Variants in DEF8 observed in about 807,000 individuals in gnomAD.
DEF8 encodes the protein DEF-8.
In DEF8, 38 loss-of-function variants were observed where a neutral mutation model predicts 59.1. The observed-to-expected ratio is 0.64, with a 90% CI of 0.50 to 0.84. The LOEUF is 0.84. Among genes scored for constraint, DEF8 ranks in the 40% least tolerant of loss-of-function variants. The probability of loss-of-function intolerance (pLI) is 0.00; values close to 1 mark genes in which losing one functional copy is unlikely to be tolerated. For missense variants in DEF8, 557 were observed against 615.2 expected (o/e 0.91, Z 1.00); for synonymous variants, 265 against 250.1 (o/e 1.06, Z -0.56).
intron 9 of DEF8, 70 bp downstream of exon 9, chr16:89,962,195 C>A: frequency 7.4e-7 from 1 of 1,357,580 alleles, no homozygotes; most frequent in Non-Finnish European, 1.0e-6. Flanking sequence ...CGGGCCAGTA[C>A]CCTCTTCTCC....
intron 12 of DEF8, 27 bp downstream of exon 12, chr16:89,964,602 GGGGGCT>G (rs1332835215): frequency 4.0e-6 from 6 of 1,518,784 alleles, no homozygotes; most frequent in Non-Finnish European, 5.3e-6. Context: ...CCCCGCACTC[GGGGGCT>G]GGGGCTCTGC....
In DEF8 at chr16:89,949,674, G is replaced by C. The variant is rs773594216; in HGVS notation, c.-11+161G>C. ...CCCGCGTGTCCTGAGCTTCGGCCCA[G>C]GGTCCCTCCGTGCCCCGGAACCCCG... On this transcript the variant is annotated intron_variant, in intron 2 of 12. Coordinates refer to ENST00000563594, the MANE Select transcript of DEF8 (RefSeq NM_001242818.2). 9.5e-6 allele frequency: 15 copies of C among 1,571,450 alleles called. No homozygotes were observed. In the African/African-American group the frequency reaches 2.1e-4, roughly 22 times the overall value.
chr16:89,957,743 GCT>G (rs1029172471), intron 5 of DEF8, 83 bp downstream of exon 5: 15 of 1,434,056 alleles, frequency 1.0e-5, no homozygotes, highest in Middle Eastern at 5.0e-4. Context: ...CCAGCCTCTG[GCT>G]CTCTCTCAGG....
chr16:89,958,908 C>G, intron 5 of DEF8, 106 bp from the exon 6 acceptor site: 1 of 1,533,264 alleles, frequency 6.5e-7, no homozygotes, highest in Non-Finnish European at 8.7e-7. Flanking sequence ...CTCACAATCT[C>G]TGCCCTAAAT....
intron 1 of DEF8, 35 bp from the exon 2 acceptor site, chr16:89,949,382 G>C: frequency 6.5e-7 from 1 of 1,538,782 alleles, no homozygotes; most frequent in Non-Finnish European, 8.8e-7. Flanking sequence ...GTGGTGGGTG[G>C]GGAGGCACAG....
Position 89,966,011 on chromosome 16 carries a change from C to T in DEF8, c.*48C>T, listed in dbSNP as rs372548964. On this transcript the variant is annotated 3_prime_UTR_variant, in exon 13 of 13. Coordinates refer to ENST00000563594, the MANE Select transcript of DEF8 (RefSeq NM_001242818.2). ...CCCCGCCTGGCCCGCCAGGACCCAC[C>T]CTGCCAACATCAAGTTGTTCCTTCT... 43 of 1,433,914 alleles carry T rather than the reference C, an allele frequency of 3.0e-5. No homozygotes were observed. The African/African-American group carries it at 5.5e-4, about 18-fold the overall frequency. The allele number at this position is 1,433,914 out of a possible 1,614,324, so 88.8% of individuals were successfully genotyped here. A position where few individuals can be genotyped will look rare whatever the true frequency, so the allele number is the denominator to read the frequency against.
Position 89,959,100 on chromosome 16 carries a change from T to C in DEF8, c.459T>C (p.Cys153=). 1.9e-6 allele frequency: 3 copies of C among 1,613,880 alleles called. No homozygotes were observed. The highest frequency in any genetic ancestry group is 2.5e-6 in the Non-Finnish European group (3 of 1,180,020). Residue 153 remains cysteine (C), a synonymous_variant, in exon 6 of 13, where the codon TGT becomes TGC. Transcript: ENST00000563594. ...AGAGCAAGAGCGTCAAGCAGACCTG[T>C]GACAAGTGTAACACCATCATCTGGG... ...KEKSKSVKQT[C]DKCNTIIWGL... is the part of the protein sequence containing the mutation.
chr16:89,957,433 C>T, intron 4 of DEF8, 78 bp from the exon 5 acceptor site: 1 of 1,464,124 alleles, frequency 6.8e-7, no homozygotes, highest in Non-Finnish European at 9.2e-7. Context: ...CTGCTCTGGG[C>T]CTGTCTCGGC....
At position 89,967,249 on chromosome 16, in the gene DEF8, A is replaced by G; in HGVS notation, c.*1286A>G. 5.0e-6 allele frequency: 2 copies of G among 398,722 alleles called. No individual in the cohort carries two copies. The highest frequency in any genetic ancestry group is 8.8e-6 in the Non-Finnish European group (2 of 226,134). 24.7% of individuals were successfully genotyped at this position (398,722 alleles called of 1,614,324 possible). On this transcript the variant is annotated 3_prime_UTR_variant, in exon 13 of 13. Transcript: ENST00000563594. ...TGCACATGGTTGGCACACGGTGGGCAGAGGGCAGAGAATGCCACTGCTTGG... is the reference window on the plus strand; with the variant it reads ...TGCACATGGTTGGCACACGGTGGGCGGAGGGCAGAGAATGCCACTGCTTGG...
intron 6 of DEF8, among the ~76,000 whole-genome samples, chr16:89,959,724 C>T (rs1298187993): frequency 1.3e-5 from 2 of 152,228 alleles, no homozygotes; most frequent in African/African-American, 2.4e-5. Context: ...GTCTCTATCT[C>T]CTGATCTTGT....
At chr16:89,956,333 C>T (rs1277259850) in intron 4 of DEF8, among the ~76,000 whole-genome samples, 1 of 148,882 alleles carries the variant, frequency 6.7e-6, no homozygotes, top group Non-Finnish European at 1.5e-5. Flanking sequence ...AGTGGAGCGC[C>T]CCTGTAGTCC....
At chr16:89,955,584 G>A (rs931060534) in intron 4 of DEF8, among the ~76,000 whole-genome samples, 2 of 152,190 alleles carry the variant, frequency 1.3e-5, no homozygotes, top group Admixed American at 6.5e-5. Context: ...CAAATGTGCA[G>A]AGAATAGATT....
chr16:89,955,520 G>C (rs1165320896), intron 4 of DEF8, among the ~76,000 whole-genome samples: 1 of 152,170 alleles, frequency 6.6e-6, no homozygotes, highest in Non-Finnish European at 1.5e-5. Context: ...CCTGGGATTG[G>C]GGTTCATGAA....
intron 9 of DEF8, among the ~76,000 whole-genome samples, chr16:89,963,013 G>A (rs1181032323): frequency 2.0e-5 from 3 of 152,278 alleles, no homozygotes; most frequent in African/African-American, 4.8e-5. Context: ...TTACCCGGGA[G>A]GAGACTGTGG....
intron 5 of DEF8, 72 bp downstream of exon 5, chr16:89,957,732 G>C: frequency 6.9e-7 from 1 of 1,449,062 alleles, no homozygotes; most frequent in Admixed American, 2.7e-5. Context: ...GGAGGACCCT[G>C]CCAGCCTCTG....
chr16:89,956,607 G>C (rs749961978), intron 4 of DEF8: 1 of 152,114 alleles, frequency 6.6e-6, no homozygotes, highest in Non-Finnish European at 1.5e-5. Flanking sequence ...CTGAGCCCAA[G>C]CGATCCTCCC....
chr16:89,951,434 G>A (rs141987787), intron 2 of DEF8, among the ~76,000 whole-genome samples: 20,289 of 151,932 alleles, frequency 0.13, 1,554 homozygotes, highest in Middle Eastern at 0.23. Context: ...TGGTAGAGAC[G>A]GGGTTTCACC....
intron 7 of DEF8, 43 bp from the exon 8 acceptor site, chr16:89,961,694 T>C: frequency 6.2e-7 from 1 of 1,605,740 alleles, no homozygotes; most frequent in Non-Finnish European, 8.5e-7. Context: ...CTGTGTGGGG[T>C]TTTTGTGAGG....
intron 2 of DEF8, among the ~76,000 whole-genome samples, chr16:89,953,079 G>C: frequency 6.6e-6 from 1 of 152,222 alleles, no homozygotes; most frequent in African/African-American, 2.4e-5. Context: ...AATTATTTCA[G>C]ACTGTAGCAG....
Sources: allele counts gnomAD v4.1 joint callset (sites outside exome capture counted in the v4.1 genomes callset), GRCh38; gene constraint gnomAD v4.1.1; transcripts MANE v1.5; gene names NCBI Gene and HGNC (gene_info 2026-07-23, HGNC 2026-07-21).